DCC: variants seen among roughly 807,000 people sequenced by gnomAD.
The protein encoded by DCC is netrin receptor DCC.
DCC carries 58 observed loss-of-function variants against 172.5 expected under a neutral mutation model. The observed-to-expected ratio is 0.34, with a 90% CI of 0.27 to 0.42. DCC has a LOEUF of 0.42. DCC is among the 10% of genes least tolerant of loss of function. The pLI, the probability that DCC is intolerant of heterozygous loss-of-function variation, is 1.00. For synonymous variants in DCC, 709 were observed against 644.5 expected (o/e 1.10, Z -1.52); for missense variants, 1,740 against 1,791.0 (o/e 0.97, Z 0.51).
At chr18:53,354,154 T>G (rs1301768725) in intron 15 of DCC, among the ~76,000 whole-genome samples, 2 of 152,192 alleles carry the variant, frequency 1.3e-5, no homozygotes, top group African/African-American at 4.8e-5. Flanking sequence ...TCTTAATCCA[T>G]TCTATCATTG....
Position 52,340,411 on chromosome 18 carries a change from C to A in DCC, c.-377C>A, listed in dbSNP as rs1568122481. On this transcript the variant is annotated 5_prime_UTR_variant, in exon 1 of 29. Coordinates refer to ENST00000442544, the MANE Select transcript of DCC (RefSeq NM_005215.4). ...GCCCGGCCACAGGATTGCCTTCCAT[C>A]TCCTCTTGGTCCCTCCTGGATGTGG... The A allele has an allele frequency of 6.8e-6, 2 of 296,174 alleles. No homozygotes were observed. Among genetic ancestry groups the A allele is most frequent in the African/African-American group, 2.1e-5 (1 of 47,008 alleles). The allele number at this position is 296,174 out of a possible 1,614,324, so 18.3% of individuals were successfully genotyped here.
At chr18:52,753,052 T>C (rs2037023149) in intron 2 of DCC, among the ~76,000 whole-genome samples, 1 of 152,248 alleles carries the variant, frequency 6.6e-6, no homozygotes, top group Non-Finnish European at 1.5e-5. Context: ...TGATTCCACA[T>C]CTTGGCTGTT....
chr18:52,523,515 A>G (rs1183289780), intron 1 of DCC, among the ~76,000 whole-genome samples: 2 of 152,218 alleles, frequency 1.3e-5, no homozygotes, highest in African/African-American at 2.4e-5. Context: ...CAAAAAATAT[A>G]GAAACATAAA....
chr18:52,390,864 A>G (rs1001905709), intron 1 of DCC, among the ~76,000 whole-genome samples: 1 of 152,096 alleles, frequency 6.6e-6, no homozygotes, highest in Admixed American at 6.5e-5. Context: ...TCAGCATACT[A>G]CACTCTCTTA....
At chr18:52,694,881 C>A (rs978253141) in intron 1 of DCC, among the ~76,000 whole-genome samples, 4 of 152,164 alleles carry the variant, frequency 2.6e-5, no homozygotes, top group Non-Finnish European at 2.9e-5. Context: ...TCTACTGGTT[C>A]TCTGTATGTA....
intron 5 of DCC, among the ~76,000 whole-genome samples, chr18:53,053,058 A>C (rs528982447): frequency 2.0e-5 from 3 of 152,196 alleles, no homozygotes; most frequent in Non-Finnish European, 4.4e-5. Flanking sequence ...CAGGAGAAGC[A>C]CTTGAACCTG....
chr18:52,505,093 GA>G (rs1210487789), intron 1 of DCC, among the ~76,000 whole-genome samples: 1 of 152,144 alleles, frequency 6.6e-6, no homozygotes, highest in Admixed American at 6.6e-5. Flanking sequence ...AATTAGAAGG[GA>G]GGGGAAAGAT....
chr18:53,164,366 C>T (rs1293867186), intron 8 of DCC, among the ~76,000 whole-genome samples: 1 of 152,280 alleles, frequency 6.6e-6, no homozygotes, highest in African/African-American at 2.4e-5. Flanking sequence ...CCACCTCAGC[C>T]TCCTGAGTAG....
intron 1 of DCC, among the ~76,000 whole-genome samples, chr18:52,444,918 C>G (rs765989067): frequency 9.2e-5 from 14 of 152,172 alleles, no homozygotes; most frequent in Non-Finnish European, 1.8e-4. Context: ...TACAGACACA[C>G]AGTGGATCAC....
intron 21 of DCC, among the ~76,000 whole-genome samples, chr18:53,428,578 A>G (rs1225868054): frequency 7.9e-5 from 4 of 50,442 alleles, no homozygotes; most frequent in African/African-American, 2.3e-4. Context: ...TTATATATAT[A>G]AAATATATAT....
chr18:53,064,465 C>A (rs2042539677), intron 6 of DCC, among the ~76,000 whole-genome samples: 1 of 152,108 alleles, frequency 6.6e-6, no homozygotes. Flanking sequence ...GTCTCCTGGG[C>A]AGAATGAGAC....
At chr18:52,900,266 A>T (rs2039791619) in intron 2 of DCC, among the ~76,000 whole-genome samples, 1 of 152,198 alleles carries the variant, frequency 6.6e-6, no homozygotes, top group Non-Finnish European at 1.5e-5. Flanking sequence ...CTAGGAACAA[A>T]TTGGGGTTAC....
At chr18:52,897,482 T>G (rs1184273187) in intron 2 of DCC, among the ~76,000 whole-genome samples, 1 of 152,242 alleles carries the variant, frequency 6.6e-6, no homozygotes, top group Non-Finnish European at 1.5e-5. Context: ...CCTCAACCAA[T>G]ATTTGTGTAT....
At position 53,391,835 on chromosome 18, in the gene DCC, G is replaced by A. The variant is rs369217461; in HGVS notation, c.2636G>A (p.Arg879Gln). The change falls in exon 17 of 29, where the codon CGA becomes CAA. Residue 879 changes from arginine (R) to glutamine (Q), a missense_variant. Arg to Gln is a conservative substitution (Grantham distance 43, BLOSUM62 1). Transcript: ENST00000442544. Reference sequence around the variant, plus strand: ...AAGAACCAAAAGACGTCTGAGGTGCGACTTTACACCGTCCGGTGGAGAACC... The same window carrying A: ...AAGAACCAAAAGACGTCTGAGGTGCAACTTTACACCGTCCGGTGGAGAACC... Reference protein sequence around the residue: ...VPKNQKTSEVRLYTVRWRTSF... With the variant: ...VPKNQKTSEVQLYTVRWRTSF... 3.5e-5 allele frequency: 56 copies of A among 1,613,692 alleles called. No homozygotes were observed. Among genetic ancestry groups the A allele is most frequent in the Non-Finnish European group, 4.2e-5 (50 of 1,179,760 alleles).
At chr18:52,993,524 C>T (rs954659241) in intron 5 of DCC, among the ~76,000 whole-genome samples, 41 of 148,262 alleles carry the variant, frequency 2.8e-4, no homozygotes, top group African/African-American at 9.8e-4. Flanking sequence ...TCTATTATTG[C>T]CTCATGTGGT....
intron 18 of DCC, among the ~76,000 whole-genome samples, chr18:53,399,589 A>G (rs1255632297): frequency 6.6e-6 from 1 of 152,132 alleles, no homozygotes. Context: ...AAATGGAAGT[A>G]TAGGAAAAAA....
intron 1 of DCC, among the ~76,000 whole-genome samples, chr18:52,437,126 A>G (rs1987821208): frequency 6.6e-6 from 1 of 152,184 alleles, no homozygotes; most frequent in African/African-American, 2.4e-5. Flanking sequence ...TGAAGTAGGC[A>G]TTACTTTTTA....
In DCC at chr18:52,717,727, AGAT is replaced by A. The variant is rs1228824278; in HGVS notation, c.92-34326_92-34324del. Among the ~76,000 whole-genome samples the A allele has an allele frequency of 6.6e-5, 10 of 152,184 alleles. 1 individual carries two copies. The South Asian group carries it at 2.1e-3, about 32-fold the overall frequency. ...GGTTTCGCTGGTGCTGTTCTTCCAC[AGAT>A]AAAATACTTAAAAGACATATTTATT... is the stretch of plus-strand genomic sequence containing the variant. On this transcript the variant is annotated intron_variant, in intron 1 of 28. Coordinates refer to ENST00000442544, the MANE Select transcript of DCC (RefSeq NM_005215.4).
intron 1 of DCC, among the ~76,000 whole-genome samples, chr18:52,679,460 GA>G (rs1490156666): frequency 6.6e-6 from 1 of 152,062 alleles, no homozygotes; most frequent in Non-Finnish European, 1.5e-5. Flanking sequence ...ATTGTTAACA[GA>G]AAATAAGGGT....
Sources: allele counts gnomAD v4.1 joint callset (sites outside exome capture counted in the v4.1 genomes callset), GRCh38; gene constraint gnomAD v4.1.1; transcripts MANE v1.5; gene names NCBI Gene and HGNC (gene_info 2026-07-23, HGNC 2026-07-21).